MGAT4A: variants seen among roughly 807,000 people sequenced by gnomAD.
MGAT4A encodes the protein N-acetylglucosaminyltransferase IVa.
Under a neutral mutation model 74.1 loss-of-function variants are expected in MGAT4A, and 33 were observed. The ratio of observed to expected loss-of-function variants is 0.45; its 90% confidence interval spans 0.34 to 0.60. The LOEUF is 0.60. MGAT4A is among the 20% of genes least tolerant of loss of function. The pLI is 0.02. For missense variants in MGAT4A, 479 were observed against 628.3 expected (o/e 0.76, Z 2.54); for synonymous variants, 198 against 210.4 (o/e 0.94, Z 0.51).
chr2:98,719,386 G>T (rs1189608832), intron 2 of MGAT4A, among the ~76,000 whole-genome samples: 2 of 152,218 alleles, frequency 1.3e-5, no homozygotes, highest in Non-Finnish European at 2.9e-5. Flanking sequence ...ATCCCAGGGT[G>T]AGTGTGGGCA....
intron 2 of MGAT4A, among the ~76,000 whole-genome samples, chr2:98,679,035 A>G (rs1309601433): frequency 6.6e-6 from 1 of 152,164 alleles, no homozygotes; most frequent in African/African-American, 2.4e-5. Context: ...GTGAGTGGCC[A>G]GGCGTGGTGG....
chr2:98,696,966 C>A (rs1702283426), intron 2 of MGAT4A, among the ~76,000 whole-genome samples: 1 of 152,000 alleles, frequency 6.6e-6, no homozygotes, highest in African/African-American at 2.4e-5. Flanking sequence ...TTTAGGGGTG[C>A]CTGGAAATGT....
chr2:98,719,916 G>C (rs972092626), intron 2 of MGAT4A, among the ~76,000 whole-genome samples: 38 of 152,148 alleles, frequency 2.5e-4, no homozygotes, highest in African/African-American at 8.9e-4. Flanking sequence ...CAAAGTGCTG[G>C]GATTACAGGC....
At position 98,675,048 on chromosome 2, in the gene MGAT4A, G is replaced by A. The variant is rs143269181; in HGVS notation, c.390C>T (p.Asn130=). The A allele has an allele frequency of 7.0e-4, 1,125 of 1,608,276 alleles. 4 individuals carry two copies. The highest frequency in any genetic ancestry group is 3.2e-3 in the South Asian group (289 of 89,314). The change falls in exon 4 of 16, where the codon AAC becomes AAT. Residue 130 remains asparagine (N), a synonymous_variant. Coordinates refer to ENST00000393487, the MANE Select transcript of MGAT4A (RefSeq NM_012214.3). The part of the protein sequence containing the change: ...GSLQPAVQIG[N]GRTGVSIVMG... Reference sequence around the variant, plus strand: ...AAATAAACATACCTCCTGTTCTTCCGTTGCCAATCTGTACAGCAGGTTGAA... The same window carrying A: ...AAATAAACATACCTCCTGTTCTTCCATTGCCAATCTGTACAGCAGGTTGAA...
intron 8 of MGAT4A, among the ~76,000 whole-genome samples, chr2:98,646,682 G>T (rs1240397008): frequency 2.0e-5 from 3 of 152,198 alleles, no homozygotes; most frequent in African/African-American, 7.2e-5. Context: ...CCAATTTGAA[G>T]GGGTTCCCAC....
intron 4 of MGAT4A, among the ~76,000 whole-genome samples, chr2:98,668,548 G>A (rs187424647): frequency 9.8e-5 from 15 of 152,340 alleles, no homozygotes; most frequent in East Asian, 1.9e-4. Context: ...CTCTGCTAGC[G>A]CAGTGCGGAA....
intron 2 of MGAT4A, among the ~76,000 whole-genome samples, chr2:98,679,761 T>G (rs76706929): frequency 2.4e-4 from 36 of 152,184 alleles, no homozygotes; most frequent in African/African-American, 8.2e-4. Flanking sequence ...TGGGCTTTGA[T>G]GAGGATAAAC....
Position 98,678,421 on chromosome 2 carries a change from G to C in MGAT4A, c.145C>G (p.Arg49Gly). The change falls in exon 3 of 16, where the codon CGA becomes GGA. Residue 49 changes from arginine (R) to glycine (G), a missense_variant. Coordinates refer to ENST00000393487, the MANE Select transcript of MGAT4A (RefSeq NM_012214.3). ...REFLALKERLRIAEHRISQRS... is the reference protein window; with the variant it reads ...REFLALKERLGIAEHRISQRS... ...TGTGAGATTCTGTGTTCAGCTATTC[G>C]AAGACGTTCTTTCAAAGCAAGGAAT... is the stretch of plus-strand genomic sequence containing the variant. The C allele has an allele frequency of 1.3e-6, 2 of 1,588,378 alleles. No homozygotes were observed. Among genetic ancestry groups the C allele is most frequent in the Non-Finnish European group, 1.7e-6 (2 of 1,163,500 alleles).
chr2:98,668,604 C>T (rs1701870592), intron 4 of MGAT4A, among the ~76,000 whole-genome samples: 1 of 152,256 alleles, frequency 6.6e-6, no homozygotes, highest in Admixed American at 6.5e-5. Context: ...CCTATTGGGG[C>T]ACCACCTAGT....
chr2:98,631,786 A>G (rs1442246023), intron 14 of MGAT4A, among the ~76,000 whole-genome samples: 1 of 152,220 alleles, frequency 6.6e-6, no homozygotes, highest in Non-Finnish European at 1.5e-5. Context: ...CCAAGGCAAG[A>G]GACCCCGGGA....
At chr2:98,701,570 C>A (rs1381551110) in intron 2 of MGAT4A, among the ~76,000 whole-genome samples, 2 of 152,200 alleles carry the variant, frequency 1.3e-5, no homozygotes, top group African/African-American at 4.8e-5. Flanking sequence ...GCTTAAGAAG[C>A]TTTCCAACCT....
chr2:98,638,765 A>G (rs1401644901), intron 12 of MGAT4A, among the ~76,000 whole-genome samples: 1 of 152,252 alleles, frequency 6.6e-6, no homozygotes, highest in Non-Finnish European at 1.5e-5. Flanking sequence ...AGAGTAACAA[A>G]AGAAAATTAG....
intron 10 of MGAT4A, among the ~76,000 whole-genome samples, chr2:98,642,850 T>C (rs1701429900): frequency 6.6e-6 from 1 of 152,074 alleles, no homozygotes; most frequent in Non-Finnish European, 1.5e-5. Context: ...TTTTTTAAAA[T>C]TTTTGTGGTT....
intron 2 of MGAT4A, among the ~76,000 whole-genome samples, chr2:98,702,479 C>T (rs1309527135): frequency 6.6e-6 from 1 of 152,208 alleles, no homozygotes; most frequent in African/African-American, 2.4e-5. Flanking sequence ...CCCAGGTGGA[C>T]TGGAGGCTCT....
intron 14 of MGAT4A, among the ~76,000 whole-genome samples, chr2:98,626,999 C>A (rs536683086): frequency 6.6e-6 from 1 of 152,152 alleles, no homozygotes; most frequent in Non-Finnish European, 1.5e-5. Context: ...ATATTATTAG[C>A]CTTCCGGTAT....
In MGAT4A at chr2:98,639,815, C is replaced by T; in HGVS notation, c.1315G>A (p.Val439Ile). The T allele has an allele frequency of 6.2e-7, 1 of 1,609,708 alleles. No individual in the cohort carries two copies. Among genetic ancestry groups the T allele is most frequent in the East Asian group, 2.2e-5 (1 of 44,832 alleles). The change falls in exon 12 of 16, where the codon GTA becomes ATA. Residue 439 changes from valine to isoleucine, a missense_variant. Physicochemically the swap from Val to Ile is conservative, Grantham distance 29. This residue lies in a region of MGAT4A where 236 missense variants were observed against 308.2 expected (regional missense o/e 0.77). Transcript: ENST00000393487. ...ILFKFDKPVN[V>I]ESYLFHSGNQ... ...ATTTCAATAATCACCAACCTTTCTA[C>T]ATTGACTGGTTTATCAAATTTAAAC... is the stretch of plus-strand genomic sequence containing the variant.
At chr2:98,729,771 A>G (rs1211739827) in intron 1 of MGAT4A, among the ~76,000 whole-genome samples, 1 of 152,252 alleles carries the variant, frequency 6.6e-6, no homozygotes, top group Non-Finnish European at 1.5e-5. Flanking sequence ...TTCCTTAATC[A>G]GCATCCCACA....
chr2:98,638,377 T>C (rs1391479261), intron 12 of MGAT4A, among the ~76,000 whole-genome samples: 1 of 152,240 alleles, frequency 6.6e-6, no homozygotes, highest in African/African-American at 2.4e-5. Context: ...GGATATTCTA[T>C]AAAGTTATAA....
At position 98,623,766 on chromosome 2, in the gene MGAT4A, G is replaced by A; in HGVS notation, c.*1800C>T. 1.0e-6 allele frequency: 1 copy of A among 985,398 alleles called. No homozygotes were observed. Among genetic ancestry groups the A allele is most frequent in the Non-Finnish European group, 1.2e-6 (1 of 829,922 alleles). 61.0% of individuals were successfully genotyped at this position (985,398 alleles called of 1,614,324 possible). A position where few individuals can be genotyped will look rare whatever the true frequency, so the allele number is the denominator to read the frequency against. ...ACTGTATCAGTGTTTCCAAACGTTT[G>A]CACTTTGTAACACAGCACAGGAAAT... On this transcript the variant is annotated 3_prime_UTR_variant, in exon 16 of 16. Coordinates refer to ENST00000393487, the MANE Select transcript of MGAT4A (RefSeq NM_012214.3).
Sources: allele counts gnomAD v4.1 joint callset (sites outside exome capture counted in the v4.1 genomes callset), GRCh38; gene constraint gnomAD v4.1.1; regional missense constraint gnomAD v4.1.1; transcripts MANE v1.5; gene names NCBI Gene and HGNC (gene_info 2026-07-23, HGNC 2026-07-21).